HMGCL: variants seen among roughly 807,000 people sequenced by gnomAD.
The protein encoded by HMGCL is 3-hydroxy-3-methylglutaryl-CoA lyase, also known as hydroxymethylglutaryl-CoA lyase, mitochondrial.
HMGCL carries 26 observed loss-of-function variants against 37.3 expected under a neutral mutation model. The ratio of observed to expected loss-of-function variants is 0.70; its 90% CI spans 0.51 to 0.97. The LOEUF (loss-of-function observed/expected upper bound fraction) is 0.97. Among genes scored for constraint, HMGCL ranks in the 50% least tolerant of loss-of-function variants. The pLI is 0.00. For synonymous variants in HMGCL, 151 were observed against 148.0 expected (o/e 1.02, Z -0.15); for missense variants, 379 against 398.1 (o/e 0.95, Z 0.41).
At chr1:23,819,006 T>TAAAAAAAAA (rs11371330) in intron 2 of HMGCL, among the ~76,000 whole-genome samples, 17 of 43,134 alleles carry the variant, frequency 3.9e-4, no homozygotes, top group Non-Finnish European at 5.3e-4. Flanking sequence ...ATGGACGTGC[T>TAAAAAAAAA]AAAAAAAAAA....
chr1:23,812,575 A>G (rs1186620491), intron 5 of HMGCL, among the ~76,000 whole-genome samples: 1 of 152,010 alleles, frequency 6.6e-6, no homozygotes, highest in African/African-American at 2.4e-5. Flanking sequence ...AGCCAGTCAC[A>G]AACTCCTGGG....
At chr1:23,807,246 G>T (rs781518514) in intron 7 of HMGCL, 1 of 518,758 alleles carries the variant, frequency 1.9e-6, no homozygotes, top group Non-Finnish European at 3.8e-6. Flanking sequence ...CGCATGAGCT[G>T]AAGGAAAGCC....
At chr1:23,807,307 G>A (rs1438285644) in intron 7 of HMGCL, 1 of 511,954 alleles carries the variant, frequency 2.0e-6, no homozygotes, top group South Asian at 1.4e-5. Flanking sequence ...GGAGACCACA[G>A]AACTACGAAC....
rs2148418164 is a variant in HMGCL, at chr1:23,806,508, C to T, written c.750+1627G>A. Among the ~76,000 whole-genome samples the T allele has an allele frequency of 6.6e-6, 1 of 152,286 alleles. No homozygotes were observed. Among genetic ancestry groups the T allele is most frequent in the Non-Finnish European group, 1.5e-5 (1 of 68,024 alleles). On this transcript the variant is annotated intron_variant, in intron 7 of 8. Coordinates refer to ENST00000374490, the MANE Select transcript of HMGCL (RefSeq NM_000191.3). This position sits in a 1 kb window ranked among gnomAD's most constrained non-coding sequence, Gnocchi z 4.0. ...GCGCCTGCTTTCCTGGGTGGGGCTC[C>T]CTTCCCTCCCCCTCCCTGCTAGGGA...
rs1638617216 is a variant in HMGCL at position 23,816,584 on chromosome 1, C to T, written c.348+91G>A. The T allele has an allele frequency of 8.2e-6, 7 of 851,102 alleles. No individual in the cohort carries two copies. The South Asian group carries it at 9.2e-5, about 11-fold the overall frequency. The allele number at this position is 851,102 out of a possible 1,614,324, so 52.7% of individuals were successfully genotyped here. A position where few individuals can be genotyped will look rare whatever the true frequency, so the allele number is the denominator to read the frequency against. On this transcript the variant is annotated intron_variant, in intron 4 of 8. Transcript: ENST00000374490. ...CAGACAAGCTATTCAGATGGACATC[C>T]CAGGACAGGGGACTGAGGCGCCAAG...
chr1:23,822,378 T>TA (rs1225868461), intron 1 of HMGCL, among the ~76,000 whole-genome samples: 1 of 152,222 alleles, frequency 6.6e-6, no homozygotes, highest in African/African-American at 2.4e-5. Flanking sequence ...CTCAAAATCT[T>TA]AGTCTTCCCT....
At chr1:23,819,190 T>A (rs1221208590) in intron 2 of HMGCL, among the ~76,000 whole-genome samples, 1 of 152,060 alleles carries the variant, frequency 6.6e-6, no homozygotes, top group East Asian at 1.9e-4. Context: ...TGCAGCCCAA[T>A]ATGTCACTAG....
rs918114162 is a variant in HMGCL, at chr1:23,816,554, G to T, written c.348+121C>A. The T allele has an allele frequency of 3.1e-5, 24 of 779,462 alleles. No individual in the cohort carries two copies. In the African/African-American group the frequency reaches 3.4e-4, roughly 11 times the overall value. 48.3% of individuals were successfully genotyped at this position (779,462 alleles called of 1,614,324 possible). A position where few individuals can be genotyped will look rare whatever the true frequency, so the allele number is the denominator to read the frequency against. ...AGGGCCAGGTTTGCCCCAGGGTCTG[G>T]CTGACAGACAAGCTATTCAGATGGA... On this transcript the variant is annotated intron_variant, in intron 4 of 8. Transcript: ENST00000374490.
intron 1 of HMGCL, among the ~76,000 whole-genome samples, chr1:23,820,809 C>T (rs556357533): frequency 2.6e-5 from 4 of 152,294 alleles, no homozygotes; most frequent in African/African-American, 7.2e-5. Flanking sequence ...CTTCCAGTAC[C>T]GGTTCTCCCC....
chr1:23,816,088 A>ATTTTTT (rs35297134), intron 4 of HMGCL, among the ~76,000 whole-genome samples: 1 of 130,466 alleles, frequency 7.7e-6, no homozygotes. Flanking sequence ...CAGCTAATTG[A>ATTTTTT]TTTTTTTTTT....
At position 23,808,042 on chromosome 1, in the gene HMGCL, T is replaced by C. The variant is rs1295285492; in HGVS notation, c.750+93A>G. On this transcript the variant is annotated intron_variant, in intron 7 of 8. Transcript: ENST00000374490. ...ATTGCCAGCTTGGAACCTGGCATAC[T>C]GGCATCAGTAAATGTTTGCTGAAAG... is the stretch of plus-strand genomic sequence containing the variant. The C allele has an allele frequency of 2.5e-6, 3 of 1,203,488 alleles. No individual in the cohort carries two copies. The African/African-American group carries it at 4.5e-5, about 18-fold the overall frequency. 74.6% of individuals were successfully genotyped at this position (1,203,488 alleles called of 1,614,324 possible). A position where few individuals can be genotyped will look rare whatever the true frequency, so the allele number is the denominator to read the frequency against.
chr1:23,803,242 G>A (rs139771278), intron 8 of HMGCL, among the ~76,000 whole-genome samples: 8 of 147,774 alleles, frequency 5.4e-5, no homozygotes, highest in African/African-American at 2.0e-4. Context: ...TCACTGTGTC[G>A]CCAGGCTGGA....
At chr1:23,802,586 A>T in intron 8 of HMGCL, 22 bp from the exon 9 acceptor site, 1 of 1,497,710 alleles carries the variant, frequency 6.7e-7, no homozygotes, top group Non-Finnish European at 9.3e-7. Context: ...AAGTTAGAGG[A>T]TGCGGTAAGT....
intron 5 of HMGCL, chr1:23,813,978 A>G (rs187707814): frequency 3.3e-6 from 2 of 599,962 alleles, no homozygotes; most frequent in East Asian, 3.0e-5. Context: ...TATCATGGCT[A>G]GCTGGTAAAC....
rs778475249 is a variant in HMGCL at position 23,810,734 on chromosome 1, A to T, written c.561+2T>A. ...ACCCCCCGCCCTGACACATGCACAC[A>T]CCTCAGCTACTTTAGCTGGGGAGAT... On this transcript the variant is annotated splice_donor_variant, in intron 6 of 8. Coordinates refer to ENST00000374490, the MANE Select transcript of HMGCL (RefSeq NM_000191.3). LOFTEE classifies it high-confidence loss of function. The T allele has an allele frequency of 3.1e-6, 5 of 1,613,636 alleles. No individual in the cohort carries two copies. Among genetic ancestry groups the T allele is most frequent in the Non-Finnish European group, 4.2e-6 (5 of 1,179,658 alleles).
chr1:23,810,919 G>T, intron 5 of HMGCL, 120 bp from the exon 6 acceptor site: 1 of 774,148 alleles, frequency 1.3e-6, no homozygotes, highest in Non-Finnish European at 2.3e-6. Flanking sequence ...GCAGCTGGGC[G>T]GAGTAAGGGC....
chr1:23,807,294 TGAG>T (rs749005800), intron 7 of HMGCL: 25 of 515,602 alleles, frequency 4.8e-5, no homozygotes, highest in Admixed American at 1.4e-4. Context: ...AGCTGAAAAA[TGAG>T]GAGACCACAG....
chr1:23,810,321 A>C lies in HMGCL; in HGVS notation c.561+415T>G, dbSNP rs61158616. On this transcript the variant is annotated intron_variant, in intron 6 of 8. Coordinates refer to ENST00000374490, the MANE Select transcript of HMGCL (RefSeq NM_000191.3). ...GTGGTTTTGAGGACTAAATGACATAAGTTCTTGGGCTGGTCAAACTCAATT... is the reference window on the plus strand; with the variant it reads ...GTGGTTTTGAGGACTAAATGACATACGTTCTTGGGCTGGTCAAACTCAATT... The C allele has an allele frequency of 4.8e-3, 1,106 of 229,496 alleles. 14 individuals are homozygous for C. The highest frequency in any genetic ancestry group is 0.023 in the African/African-American group (1,045 of 44,922). 14.2% of individuals were successfully genotyped at this position (229,496 alleles called of 1,614,324 possible).
At chr1:23,819,006 T>TAAAAAAA (rs11371330) in intron 2 of HMGCL, among the ~76,000 whole-genome samples, 33 of 43,142 alleles carry the variant, frequency 7.6e-4, no homozygotes, top group Middle Eastern at 0.038. Flanking sequence ...ATGGACGTGC[T>TAAAAAAA]AAAAAAAAAA....
Sources: gnomAD v4.1 joint callset for allele counts (sites outside exome capture counted in the v4.1 genomes callset) on GRCh38, gnomAD v4.1.1 for gene constraint, Gnocchi (gnomAD v3.1) non-coding constraint, MANE v1.5 for transcripts, NCBI Gene and HGNC (gene_info 2026-07-23, HGNC 2026-07-21) for gene names.